CD180: variants seen among roughly 807,000 people sequenced by gnomAD.
CD180 encodes the protein CD180 antigen.
Under a neutral mutation model 10.7 loss-of-function variants are expected in CD180, and 11 were observed. That is an observed-to-expected ratio of 1.03 (90% CI 0.65 to 1.70). The LOEUF (loss-of-function observed/expected upper bound fraction) is 1.70, where lower values mean the gene tolerates loss of function less well. CD180 is among the 40% of genes most tolerant of loss of function. CD180 has a pLI of 0.00. For synonymous variants in CD180, 286 were observed against 294.6 expected (o/e 0.97, Z 0.30); for missense variants, 729 against 775.2 (o/e 0.94, Z 0.71).
rs903462636 is a variant in CD180 at position 67,181,524 on chromosome 5, A to G, written c.*1333T>C. The G allele has an allele frequency of 1.2e-4, 18 of 152,226 alleles. No homozygotes were observed. Among genetic ancestry groups the G allele is most frequent in the African/African-American group, 4.3e-4 (18 of 41,462 alleles). 9.4% of individuals were successfully genotyped at this position (152,226 alleles called of 1,614,324 possible). A position where few individuals can be genotyped will look rare whatever the true frequency, so the allele number is the denominator to read the frequency against. On this transcript the variant is annotated 3_prime_UTR_variant, in exon 3 of 3. Transcript: ENST00000256447. ...ATGATGTCCCACTAGTATGCCTTCA[A>G]CTTAAGGACTAATATATTCTGATTG...
At position 67,182,967 on chromosome 5, in the gene CD180, C is replaced by G; in HGVS notation, c.1876G>C (p.Gly626Arg). 6.2e-7 allele frequency: 1 copy of G among 1,614,134 alleles called. No individual in the cohort carries two copies. The highest frequency in any genetic ancestry group is 1.1e-5 in the South Asian group (1 of 91,080). ...VKLSDVKLSC[G>R]ITAIGIFFLI... ...AAGAAAATGCCTATGGCTGTAATCC[C>G]ACAGGAAAGCTTGACATCAGATAGC... Residue 626 changes from glycine (G) to arginine (R), a missense_variant, in exon 3 of 3, where the codon GGG becomes CGG. Physicochemically the swap from Gly to Arg is moderately radical, Grantham distance 125 (BLOSUM62 -2). Transcript: ENST00000256447.
At chr5:67,187,148 A>G (rs5744513) in intron 1 of CD180, among the ~76,000 whole-genome samples, 9,638 of 152,262 alleles carry the variant, frequency 0.063, 360 homozygotes, top group African/African-American at 0.11. Context: ...TCTTTTGAGA[A>G]GCATATTTAA....
At chr5:67,184,965 C>A (rs755540856) in intron 2 of CD180, among the ~76,000 whole-genome samples, 1 of 151,890 alleles carries the variant, frequency 6.6e-6, no homozygotes, top group Non-Finnish European at 1.5e-5. Flanking sequence ...TATACACACA[C>A]AAAAATCTGT....
intron 1 of CD180, among the ~76,000 whole-genome samples, chr5:67,195,601 C>T (rs1218912583): frequency 6.6e-6 from 1 of 152,264 alleles, no homozygotes; most frequent in African/African-American, 2.4e-5. Flanking sequence ...GATGCCTCCT[C>T]TTGGCCTGCT....
chr5:67,196,459 T>C, intron 1 of CD180, 93 bp downstream of exon 1: 3 of 1,181,302 alleles, frequency 2.5e-6, no homozygotes, highest in Non-Finnish European at 3.7e-6. Context: ...AGACACTAGA[T>C]ATTGGGATGC....
chr5:67,183,524 G>A lies in CD180; in HGVS notation c.1319C>T (p.Pro440Leu). 3 of 1,614,192 alleles carry A rather than the reference G, an allele frequency of 1.9e-6. No individual in the cohort carries two copies. Among genetic ancestry groups the A allele is most frequent in the Non-Finnish European group, 2.5e-6 (3 of 1,180,044 alleles). ...CTGAAGGAAATGGAGGTTTTGGAAGGGACTTTGTGGAGCATTAATGTGTAA... is the reference window on the plus strand; with the variant it reads ...CTGAAGGAAATGGAGGTTTTGGAAGAGACTTTGTGGAGCATTAATGTGTAA... ...TRLHINAPQSPFQNLHFLQVL... is the reference protein window; with the variant it reads ...TRLHINAPQSLFQNLHFLQVL... The change falls in exon 3 of 3, where the codon CCC becomes CTC. Residue 440 changes from proline (P) to leucine (L), a missense_variant. Pro to Leu is a moderately conservative substitution (Grantham distance 98). Coordinates refer to ENST00000256447, the MANE Select transcript of CD180 (RefSeq NM_005582.3).
intron 1 of CD180, chr5:67,191,082 C>A (rs563738601): frequency 1.0e-6 from 1 of 985,280 alleles, no homozygotes; most frequent in African/African-American, 1.7e-5. Context: ...CCCAGAGCAA[C>A]AATTAGTCTC....
intron 1 of CD180, among the ~76,000 whole-genome samples, chr5:67,195,798 C>T (rs1742389875): frequency 6.6e-6 from 1 of 152,212 alleles, no homozygotes; most frequent in Non-Finnish European, 1.5e-5. Context: ...ACCAGCAGCT[C>T]ACCAAGCCAC....
Position 67,183,626 on chromosome 5 carries a change from T to C in CD180, c.1217A>G (p.Asn406Ser), listed in dbSNP as rs137998891. The C allele has an allele frequency of 1.7e-4, 277 of 1,614,144 alleles. No homozygotes were observed. The highest frequency in any genetic ancestry group is 1.6e-4 in the Middle Eastern group (1 of 6,062). Reference protein sequence around the residue: ...SHLQTLNLSHNEPLGLQSQAF... With the variant: ...SHLQTLNLSHSEPLGLQSQAF... ...CTGACTCTGGAGACCAAGAGGCTCATTGTGGCTCAGGTTTAAGGTTTGCAA... is the reference window on the plus strand; with the variant it reads ...CTGACTCTGGAGACCAAGAGGCTCACTGTGGCTCAGGTTTAAGGTTTGCAA... The change falls in exon 3 of 3, where the codon AAT (asparagine) becomes AGT (serine). Residue 406 changes from asparagine (N) to serine (S), a missense_variant. Coordinates refer to ENST00000256447, the MANE Select transcript of CD180 (RefSeq NM_005582.3).
rs1581827854 is a variant in CD180 at position 67,188,916 on chromosome 5, C to T, written c.91-2899G>A. ...ATCCACATAATGTCCTTGAAATGCACACTTCGCATTTAAAACTTAGATTTA... is the reference window on the plus strand; with the variant it reads ...ATCCACATAATGTCCTTGAAATGCATACTTCGCATTTAAAACTTAGATTTA... On this transcript the variant is annotated intron_variant, in intron 1 of 2. Coordinates refer to ENST00000256447, the MANE Select transcript of CD180 (RefSeq NM_005582.3). Among the ~76,000 whole-genome samples the T allele has an allele frequency of 2.6e-5, 4 of 152,314 alleles. No homozygotes were observed. The South Asian group carries it at 8.3e-4, about 32-fold the overall frequency.
In CD180 at chr5:67,183,904, T is replaced by C. The variant is rs981396273; in HGVS notation, c.939A>G (p.Leu313=). 6.2e-7 allele frequency: 1 copy of C among 1,614,150 alleles called. No homozygotes were observed. Among genetic ancestry groups the C allele is most frequent in the Non-Finnish European group, 8.5e-7 (1 of 1,180,020 alleles). The change falls in exon 3 of 3, where the codon TTA becomes TTG. Residue 313 remains leucine (L), a synonymous_variant. Coordinates refer to ENST00000256447, the MANE Select transcript of CD180 (RefSeq NM_005582.3). ...AGTTCAGACCCTTCATCCCAGAGGG[T>C]AACCCTTTCAAGTGAGTTGCTGTCA... ...LDLTATHLKG[L]PSGMKGLNLL... is the part of the protein sequence containing the mutation.
intron 1 of CD180, among the ~76,000 whole-genome samples, chr5:67,194,012 G>A (rs1259332624): frequency 6.6e-6 from 1 of 152,166 alleles, no homozygotes; most frequent in African/African-American, 2.4e-5. Flanking sequence ...CCAAATGTCT[G>A]TATGACATTG....
At chr5:67,196,025 C>G (rs957447506) in intron 1 of CD180, among the ~76,000 whole-genome samples, 1 of 152,200 alleles carries the variant, frequency 6.6e-6, no homozygotes, top group African/African-American at 2.4e-5. Flanking sequence ...CAATTTGGCT[C>G]TATTCTCAGA....
At chr5:67,188,101 C>A (rs764531144) in intron 1 of CD180, among the ~76,000 whole-genome samples, 6 of 151,538 alleles carry the variant, frequency 4.0e-5, no homozygotes, top group Non-Finnish European at 7.4e-5. Flanking sequence ...ACCAGGGACT[C>A]AGAGGTTGCA....
chr5:67,186,975 A>G (rs1220802391), intron 1 of CD180, among the ~76,000 whole-genome samples: 1 of 152,156 alleles, frequency 6.6e-6, no homozygotes, highest in Non-Finnish European at 1.5e-5. Flanking sequence ...ATCAAATAAT[A>G]CAGTAGACCT....
chr5:67,181,432 C>G lies in CD180; in HGVS notation c.*1425G>C, dbSNP rs984732908. 3 of 152,272 alleles carry G rather than the reference C, an allele frequency of 2.0e-5. No individual in the cohort carries two copies. The highest frequency in any genetic ancestry group is 4.4e-5 in the Non-Finnish European group (3 of 68,102). 9.4% of individuals were successfully genotyped at this position (152,272 alleles called of 1,614,324 possible). The stretch of plus-strand genomic sequence containing the variant: ...AGAAGAGGTTCACCCACTGCTGTTC[C>G]CTGCCTGCCCTGCTTTTCCTGGGGG... On this transcript the variant is annotated 3_prime_UTR_variant, in exon 3 of 3. Coordinates refer to ENST00000256447, the MANE Select transcript of CD180 (RefSeq NM_005582.3).
In CD180 at chr5:67,196,070, G is replaced by T. The variant is rs143809029; in HGVS notation, c.90+482C>A. On this transcript the variant is annotated intron_variant, in intron 1 of 2. Coordinates refer to ENST00000256447, the MANE Select transcript of CD180 (RefSeq NM_005582.3). ...TATGGGTTAGTAAAACAGATGGAAG[G>T]CTGTCCAAGTCCAAGAGAGAGCCAG... Among the ~76,000 whole-genome samples, 15 of 152,324 alleles carry T rather than the reference G, an allele frequency of 9.8e-5. No homozygotes were observed. In the East Asian group the frequency reaches 2.7e-3, roughly 27 times the overall value.
At chr5:67,184,630 TA>T in intron 2 of CD180, 45 bp from the exon 3 acceptor site, 4 of 1,485,532 alleles carry the variant, frequency 2.7e-6, no homozygotes, top group Non-Finnish European at 2.7e-6. Flanking sequence ...TTGAAAAAAG[TA>T]AAAAAATACT....
In CD180 at chr5:67,183,329, GA is replaced by G. The variant is rs1240884494; in HGVS notation, c.1513del (p.Ser505LeufsTer7). ...CTGGTCTATAGAGAGGAGACCACAA[GA>G]GGACAAAATCAGAACCTCCAAGCTG... is the stretch of plus-strand genomic sequence containing the variant. ...VGSLEVLILSSCGLLSIDQQA... is the reference protein window; with the variant it reads ...VGSLEVLILSXCGLLSIDQQA... On this transcript the variant is annotated frameshift_variant, in exon 3 of 3. Transcript: ENST00000256447. LOFTEE classifies it low-confidence loss of function (END_TRUNC). 1.2e-6 allele frequency: 2 copies of G among 1,614,180 alleles called. No individual in the cohort carries two copies. The highest frequency in any genetic ancestry group is 8.5e-7 in the Non-Finnish European group (1 of 1,180,024).
Sources: allele counts gnomAD v4.1 joint callset (sites outside exome capture counted in the v4.1 genomes callset), GRCh38; gene constraint gnomAD v4.1.1; transcripts MANE v1.5; gene names NCBI Gene and HGNC (gene_info 2026-07-23, HGNC 2026-07-21).